KCNQ3: variants seen among roughly 807,000 people sequenced by gnomAD.
KCNQ3 encodes potassium voltage-gated channel subfamily Q member 3.
A neutral mutation model predicts 92.5 loss-of-function variants in KCNQ3; 30 were observed. The observed-to-expected ratio is 0.32, with a 90% CI of 0.24 to 0.44. The LOEUF (loss-of-function observed/expected upper bound fraction) is 0.44, where lower values mean the gene tolerates loss of function less well. Ranked by LOEUF, KCNQ3 falls within the 20% of genes least tolerant of loss-of-function variation. The pLI is 1.00. For missense variants in KCNQ3, 913 were observed against 1,140.3 expected (o/e 0.80, Z 2.87); for synonymous variants, 450 against 468.8 (o/e 0.96, Z 0.52).
intron 9 of KCNQ3, among the ~76,000 whole-genome samples, chr8:132,147,720 G>C (rs1825498084): frequency 6.6e-6 from 1 of 152,160 alleles, no homozygotes; most frequent in Non-Finnish European, 1.5e-5. Context: ...AGTGTGACTA[G>C]AGTCAAAAAA....
At chr8:132,358,678 C>CA (rs202232096) in intron 1 of KCNQ3, among the ~76,000 whole-genome samples, 22,108 of 152,106 alleles carry the variant, frequency 0.15, 2,166 homozygotes, top group African/African-American at 0.27. Flanking sequence ...GTCCCCAGCA[C>CA]TTCACGTGGA....
At chr8:132,130,071 A>G (rs1824823079) in intron 14 of KCNQ3, 75 bp from the exon 15 acceptor site, 1 of 1,340,624 alleles carries the variant, frequency 7.5e-7, no homozygotes, top group Non-Finnish European at 1.0e-6. Flanking sequence ...GGGAGGAAAT[A>G]TTCTTTTTTT....
chr8:132,469,459 A>G (rs879541031), intron 1 of KCNQ3, among the ~76,000 whole-genome samples: 2 of 152,198 alleles, frequency 1.3e-5, no homozygotes, highest in Admixed American at 6.5e-5. Flanking sequence ...AAGTGTCCAA[A>G]TCACATAGTT....
chr8:132,196,415 C>G (rs903783893), intron 1 of KCNQ3, among the ~76,000 whole-genome samples: 12 of 152,188 alleles, frequency 7.9e-5, no homozygotes, highest in African/African-American at 2.9e-4. Flanking sequence ...CCACCCATTC[C>G]TTGACATGCA....
chr8:132,422,627 C>T (rs764760582), intron 1 of KCNQ3, among the ~76,000 whole-genome samples: 26 of 152,170 alleles, frequency 1.7e-4, no homozygotes, highest in Non-Finnish European at 3.5e-4. Context: ...GCTGCACCCG[C>T]CCCCAGCACT....
intron 1 of KCNQ3, among the ~76,000 whole-genome samples, chr8:132,389,943 C>T (rs112358673): frequency 1.3e-5 from 2 of 152,162 alleles, no homozygotes. Flanking sequence ...CAAGCACACA[C>T]GCATGTATGT....
chr8:132,369,418 C>T (rs946483843), intron 1 of KCNQ3, among the ~76,000 whole-genome samples: 4 of 152,046 alleles, frequency 2.6e-5, no homozygotes, highest in African/African-American at 4.8e-5. Flanking sequence ...CTAGAAGCAA[C>T]GATGCCCCAG....
intron 1 of KCNQ3, among the ~76,000 whole-genome samples, chr8:132,206,175 G>A (rs977204549): frequency 9.2e-5 from 14 of 152,276 alleles, no homozygotes; most frequent in South Asian, 4.1e-4. Context: ...CAGAGCCTAC[G>A]ATCTAGAGCA....
intron 1 of KCNQ3, among the ~76,000 whole-genome samples, chr8:132,189,907 A>AAAAG (rs1480816124): frequency 0.013 from 1,711 of 131,780 alleles, 58 homozygotes; most frequent in African/African-American, 0.054. Context: ...AAAAAAAAAA[A>AAAAG]AGAGAGAGAG....
intron 1 of KCNQ3, among the ~76,000 whole-genome samples, chr8:132,282,617 T>G (rs1393399281): frequency 2.0e-5 from 3 of 152,160 alleles, no homozygotes; most frequent in Non-Finnish European, 4.4e-5. Flanking sequence ...GGATCCCATT[T>G]CTAAGACTCA....
chr8:132,189,888 C>CAAAAAAAAAA (rs776683880), intron 1 of KCNQ3, among the ~76,000 whole-genome samples: 2 of 64,082 alleles, frequency 3.1e-5, no homozygotes, highest in African/African-American at 7.9e-5. Flanking sequence ...TAAAAATGAC[C>CAAAAAAAAAA]AAAAAAAAAA....
intron 1 of KCNQ3, among the ~76,000 whole-genome samples, chr8:132,305,122 G>A (rs1381248828): frequency 6.6e-6 from 1 of 152,150 alleles, no homozygotes; most frequent in Admixed American, 6.5e-5. Flanking sequence ...ATAGAGTTTG[G>A]TTAATGGAAG....
chr8:132,447,325 A>G, intron 1 of KCNQ3: 1 of 1,339,294 alleles, frequency 7.5e-7, no homozygotes, highest in South Asian at 1.2e-5. Flanking sequence ...GGGTCAAGAT[A>G]AAGGTACCAG....
intron 1 of KCNQ3, chr8:132,277,863 G>A: frequency 9.5e-6 from 8 of 841,246 alleles, no homozygotes; most frequent in Non-Finnish European, 1.1e-5. Context: ...TTGTTGGAAG[G>A]TTTTTTCTTC....
At chr8:132,255,618 G>A (rs1308739577) in intron 1 of KCNQ3, among the ~76,000 whole-genome samples, 3 of 152,200 alleles carry the variant, frequency 2.0e-5, no homozygotes, top group African/African-American at 7.2e-5. Flanking sequence ...TAAGTAAGAT[G>A]TGAAGACAAA....
chr8:132,281,658 A>G (rs1486558220), intron 1 of KCNQ3, among the ~76,000 whole-genome samples: 7 of 151,888 alleles, frequency 4.6e-5, no homozygotes, highest in Non-Finnish European at 1.0e-4. Context: ...TCTCCGACCT[A>G]GCCCCTCCAC....
At chr8:132,345,686 T>C (rs1818666848) in intron 1 of KCNQ3, among the ~76,000 whole-genome samples, 1 of 152,210 alleles carries the variant, frequency 6.6e-6, no homozygotes. Flanking sequence ...TACCCCTATC[T>C]CTGAAATGCA....
chr8:132,466,951 C>T (rs1330062499), intron 1 of KCNQ3, among the ~76,000 whole-genome samples: 1 of 152,202 alleles, frequency 6.6e-6, no homozygotes, highest in African/African-American at 2.4e-5. Context: ...ACCACGTGCC[C>T]TGAGCCCCCT....
intron 1 of KCNQ3, among the ~76,000 whole-genome samples, chr8:132,227,671 T>C (rs1415718230): frequency 1.3e-5 from 2 of 152,212 alleles, no homozygotes; most frequent in Non-Finnish European, 2.9e-5. Context: ...ACACTGGCGG[T>C]GCCGGGGGCA....
Sources: allele counts gnomAD v4.1 joint callset (sites outside exome capture counted in the v4.1 genomes callset), GRCh38; gene constraint gnomAD v4.1.1; transcripts MANE v1.5; gene names NCBI Gene and HGNC (gene_info 2026-07-23, HGNC 2026-07-21).